INIP: variants seen among roughly 807,000 people sequenced by gnomAD.
INIP encodes the protein INTS3 and NABP interacting protein.
INIP carries 9 observed loss-of-function variants against 14.0 expected under a neutral mutation model. The ratio of observed to expected loss-of-function variants is 0.64; its 90% CI spans 0.39 to 1.12. INIP has a LOEUF of 1.12. Among genes scored for constraint, INIP ranks in the 50% most tolerant of loss-of-function variants. The pLI is 0.01. For synonymous variants in INIP, 37 were observed against 41.5 expected (o/e 0.89, Z 0.41); for missense variants, 78 against 122.7 (o/e 0.64, Z 1.72).
chr9:112,687,723 G>T, intron 4 of INIP, 90 bp from the exon 5 acceptor site: 1 of 605,926 alleles, frequency 1.7e-6, no homozygotes, highest in Non-Finnish European at 2.8e-6. Context: ...CTTTCTGAAT[G>T]CTTGAGACCA....
chr9:112,708,595 C>T (rs556098359), intron 2 of INIP, among the ~76,000 whole-genome samples: 1 of 152,210 alleles, frequency 6.6e-6, no homozygotes, highest in Admixed American at 6.5e-5. Flanking sequence ...TAACAAATTA[C>T]CCAAAATTCG....
chr9:112,715,125 TACATACATACACACAC>T (rs1346569338), intron 2 of INIP, among the ~76,000 whole-genome samples: 10 of 106,414 alleles, frequency 9.4e-5, no homozygotes, highest in African/African-American at 3.6e-4. Context: ...CACACATACA[TACATACATACACACAC>T]ACACACACAC....
At position 112,717,994 on chromosome 9, in the gene INIP, C is replaced by T. The variant is rs1320879848; in HGVS notation, c.-64G>A. On this transcript the variant is annotated 5_prime_UTR_variant, in exon 1 of 5. Coordinates refer to ENST00000374242, the MANE Select transcript of INIP (RefSeq NM_021218.3). The stretch of plus-strand genomic sequence containing the variant: ...CCAGACTGTCGTACTTACCTGGGAC[C>T]CGAGGACACCGGGACCGCCTCTCCT... The T allele has an allele frequency of 1.3e-5, 2 of 152,704 alleles. No homozygotes were observed. The allele number at this position is 152,704 out of a possible 1,614,324, so 9.5% of individuals were successfully genotyped here.
chr9:112,687,549 C>G lies in INIP; in HGVS notation c.304G>C (p.Asp102His), dbSNP rs781051198. ...NLILPVLPRLDPE is the reference protein window; with the variant it reads ...NLILPVLPRLHPE Reference sequence around the variant, plus strand: ...CGCAAATGTTTTCTTCATTCTGGGTCAAGGCGAGGTAAAACAGGAAGAATA... The same window carrying G: ...CGCAAATGTTTTCTTCATTCTGGGTGAAGGCGAGGTAAAACAGGAAGAATA... Residue 102 changes from aspartate to histidine, a missense_variant, in exon 5 of 5, where the codon GAC becomes CAC. By Grantham distance (81) the Asp-to-His change is moderately conservative. Transcript: ENST00000374242. The G allele has an allele frequency of 3.7e-6, 6 of 1,603,500 alleles. No individual in the cohort carries two copies. The highest frequency in any genetic ancestry group is 2.7e-5 in the African/African-American group (2 of 74,760).
chr9:112,699,322 AT>A (rs1024131201), intron 2 of INIP, among the ~76,000 whole-genome samples: 5 of 152,116 alleles, frequency 3.3e-5, no homozygotes, highest in African/African-American at 1.2e-4. Flanking sequence ...AAAAAAAAAA[AT>A]AACAAAATTT....
intron 4 of INIP, among the ~76,000 whole-genome samples, chr9:112,688,275 A>C (rs1837754632): frequency 6.6e-6 from 1 of 152,058 alleles, no homozygotes; most frequent in Non-Finnish European, 1.5e-5. Context: ...AAAGACATGA[A>C]CTGTTTTGTT....
At chr9:112,714,095 TAAACA>T (rs1358967220) in intron 2 of INIP, among the ~76,000 whole-genome samples, 1 of 151,248 alleles carries the variant, frequency 6.6e-6, no homozygotes, top group Non-Finnish European at 1.5e-5. Context: ...GAAGAATGAA[TAAACA>T]AAATGTGATA....
chr9:112,689,486 G>A (rs373140801), intron 4 of INIP, 41 bp downstream of exon 4: 9 of 1,502,962 alleles, frequency 6.0e-6, no homozygotes, highest in Admixed American at 1.7e-5. Context: ...TGAGATCCAG[G>A]AAACCTCCAC....
Position 112,689,616 on chromosome 9 carries a change from T to A in INIP, c.130A>T (p.Ile44Phe). Residue 44 changes from isoleucine (I) to phenylalanine (F), a missense_variant and splice_region_variant, in exon 4 of 5, where the codon ATT becomes TTT. Physicochemically the swap from Ile to Phe is conservative, Grantham distance 21 (BLOSUM62 0). Transcript: ENST00000374242. ...TTAAGAGAGGGTCTCGAGAGTGCAA[T>A]GCTAAAATGGGAATCTTGGTTACTC... The part of the protein sequence containing the change: ...QSSTNHPGAS[I>F]ALSRPSLNKD... 1 of 1,613,192 alleles carries A rather than the reference T, an allele frequency of 6.2e-7. No homozygotes were observed. Among genetic ancestry groups the A allele is most frequent in the Non-Finnish European group, 8.5e-7 (1 of 1,179,104 alleles).
At chr9:112,706,219 G>A (rs1196475758) in intron 2 of INIP, among the ~76,000 whole-genome samples, 2 of 152,220 alleles carry the variant, frequency 1.3e-5, no homozygotes, top group Non-Finnish European at 2.9e-5. Flanking sequence ...TGGCAAGGAT[G>A]TGGAGAAAAG....
In INIP at chr9:112,715,133, T is replaced by TACACACACAC. The variant is rs58647648; in HGVS notation, c.25+1318_25+1327dup. On this transcript the variant is annotated intron_variant, in intron 2 of 4. Transcript: ENST00000374242. ...TAAAATACACACATACATACATACA[T>TACACACACAC]ACACACACACACACACACACACACA... Among the ~76,000 whole-genome samples, 119 of 133,508 alleles carry TACACACACAC rather than the reference T, an allele frequency of 8.9e-4. 1 individual carries two copies. The highest frequency in any genetic ancestry group is 2.2e-3 in the South Asian group (8 of 3,696). The allele number at this position is 133,508 out of a possible 152,430, so 87.6% of individuals were successfully genotyped here.
At chr9:112,692,359 A>C (rs933651300) in intron 3 of INIP, among the ~76,000 whole-genome samples, 3 of 152,158 alleles carry the variant, frequency 2.0e-5, no homozygotes, top group African/African-American at 7.2e-5. Flanking sequence ...CAATCAGCTC[A>C]TTGCAGCCCC....
At position 112,716,545 on chromosome 9, in the gene INIP, TA is replaced by T; in HGVS notation, c.-56-5del. 6.9e-7 allele frequency: 1 copy of T among 1,449,022 alleles called. No homozygotes were observed. The allele number at this position is 1,449,022 out of a possible 1,614,324, so 89.8% of individuals were successfully genotyped here. A position where few individuals can be genotyped will look rare whatever the true frequency, so the allele number is the denominator to read the frequency against. ...TTGGTCAGCACTTCACAATCACCTA[TA>T]AAATATGTGTACACACATATACAAT... is the stretch of plus-strand genomic sequence containing the variant. On this transcript the variant is annotated splice_region_variant and splice_polypyrimidine_tract_variant and intron_variant, in intron 1 of 4. Coordinates refer to ENST00000374242, the MANE Select transcript of INIP (RefSeq NM_021218.3).
At chr9:112,707,392 T>G (rs373544968) in intron 2 of INIP, among the ~76,000 whole-genome samples, 71 of 152,184 alleles carry the variant, frequency 4.7e-4, no homozygotes, top group African/African-American at 1.4e-3. Context: ...GAAAAAACAT[T>G]TCCACTTTTG....
intron 3 of INIP, among the ~76,000 whole-genome samples, chr9:112,689,988 A>G (rs1837824017): frequency 1.3e-5 from 2 of 152,096 alleles, no homozygotes; most frequent in South Asian, 4.1e-4. Flanking sequence ...ACTTTTCATT[A>G]TATATTCTTT....
chr9:112,704,838 A>C (rs1487145024), intron 2 of INIP, among the ~76,000 whole-genome samples: 1 of 152,204 alleles, frequency 6.6e-6, no homozygotes, highest in African/African-American at 2.4e-5. Flanking sequence ...AGCTGAATGC[A>C]GTGGTTCATG....
At chr9:112,692,814 G>A (rs1837938346) in intron 3 of INIP, among the ~76,000 whole-genome samples, 1 of 151,696 alleles carries the variant, frequency 6.6e-6, no homozygotes, top group African/African-American at 2.4e-5. Context: ...TGAGGCAGGA[G>A]GATCACTTGA....
At chr9:112,707,234 C>T (rs956087267) in intron 2 of INIP, among the ~76,000 whole-genome samples, 9 of 149,596 alleles carry the variant, frequency 6.0e-5, no homozygotes, top group African/African-American at 1.7e-4. Flanking sequence ...CCACTGTGCC[C>T]GGCCTCTTTT....
At position 112,692,579 on chromosome 9, in the gene INIP, C is replaced by T. The variant is rs563570240; in HGVS notation, c.128+1552G>A. 1.9e-4 allele frequency among the ~76,000 whole-genome samples: 29 copies of T among 152,074 alleles called. 1 individual carries two copies. In the South Asian group the frequency reaches 4.4e-3, roughly 23 times the overall value. ...GATTACAGGCGTGAGCCACCATGCC[C>T]GGCAATAATGGATCTGAGGGAAGAT... On this transcript the variant is annotated intron_variant, in intron 3 of 4. Transcript: ENST00000374242.
Sources: allele counts gnomAD v4.1 joint callset (sites outside exome capture counted in the v4.1 genomes callset), GRCh38; gene constraint gnomAD v4.1.1; transcripts MANE v1.5; gene names NCBI Gene and HGNC (gene_info 2026-07-23, HGNC 2026-07-21).